CLIC6: variants seen among roughly 807,000 people sequenced by gnomAD.
The protein encoded by CLIC6 is CLIC family member 6.
A neutral mutation model predicts 49.2 loss-of-function variants in CLIC6; 39 were observed. The observed-to-expected ratio is 0.79, with a 90% CI of 0.61 to 1.04. CLIC6 has a LOEUF of 1.04. Among genes scored for constraint, CLIC6 ranks in the 50% least tolerant of loss-of-function variants. CLIC6 has a pLI of 0.00. For missense variants in CLIC6, 988 were observed against 993.1 expected (o/e 0.99, Z 0.07); for synonymous variants, 446 against 433.4 (o/e 1.03, Z -0.36).
chr21:34,708,398 G>A (rs909805437), intron 3 of CLIC6, among the ~76,000 whole-genome samples: 1 of 152,136 alleles, frequency 6.6e-6, no homozygotes, highest in South Asian at 2.1e-4. Flanking sequence ...CCTCGGGGGA[G>A]CTATTTCTAC....
At position 34,669,239 on chromosome 21, in the gene CLIC6, A is replaced by G; in HGVS notation, c.-150A>G. 1.7e-6 allele frequency: 1 copy of G among 593,238 alleles called. No homozygotes were observed. Among genetic ancestry groups the G allele is most frequent in the Non-Finnish European group, 2.5e-6 (1 of 405,314 alleles). 36.7% of individuals were successfully genotyped at this position (593,238 alleles called of 1,614,324 possible). On this transcript the variant is annotated 5_prime_UTR_variant, in exon 1 of 6. Coordinates refer to ENST00000349499, the MANE Select transcript of CLIC6 (RefSeq NM_053277.3). ...CCCTGCGGGTCCTGCGCAAGGCCCC[A>G]GTGCCCCGGCTAAACCTTTGCCGCA... is the stretch of plus-strand genomic sequence containing the variant.
intron 1 of CLIC6, among the ~76,000 whole-genome samples, chr21:34,690,046 G>C (rs1210219065): frequency 6.6e-6 from 1 of 152,114 alleles, no homozygotes; most frequent in Non-Finnish European, 1.5e-5. Context: ...TTCTGAGTCT[G>C]TTTCCCATAG....
intron 5 of CLIC6, 43 bp downstream of exon 5, chr21:34,709,581 G>A (rs1478265643): frequency 6.4e-7 from 1 of 1,559,954 alleles, no homozygotes; most frequent in Non-Finnish European, 8.8e-7. Flanking sequence ...ACACGAACGG[G>A]GCTTTGTTTT....
At chr21:34,699,585 A>T (rs532272824) in intron 1 of CLIC6, among the ~76,000 whole-genome samples, 3 of 151,928 alleles carry the variant, frequency 2.0e-5, no homozygotes, top group African/African-American at 7.2e-5. Flanking sequence ...TTTTAAAGTC[A>T]CCTTAGAAAT....
intron 1 of CLIC6, among the ~76,000 whole-genome samples, chr21:34,686,933 C>A (rs529974355): frequency 7.5e-4 from 114 of 152,326 alleles, no homozygotes; most frequent in African/African-American, 2.7e-3. Context: ...TGCTGAGTAA[C>A]CTTCGTCAGT....
At chr21:34,715,102 A>C (rs138153613) in intron 5 of CLIC6, among the ~76,000 whole-genome samples, 3 of 152,264 alleles carry the variant, frequency 2.0e-5, no homozygotes, top group Non-Finnish European at 4.4e-5. Flanking sequence ...TAAGCCCCAA[A>C]GATCTTCTCA....
chr21:34,713,976 A>G (rs1313926353), intron 5 of CLIC6, among the ~76,000 whole-genome samples: 1 of 152,248 alleles, frequency 6.6e-6, no homozygotes, highest in Admixed American at 6.5e-5. Context: ...TCATGAACCC[A>G]TTAAAAATCA....
At chr21:34,677,354 T>C (rs16992138) in intron 1 of CLIC6, among the ~76,000 whole-genome samples, 2,592 of 152,346 alleles carry the variant, frequency 0.017, 71 homozygotes, top group African/African-American at 0.058. Flanking sequence ...GAGCTTGTTA[T>C]AAAGAATACT....
intron 1 of CLIC6, among the ~76,000 whole-genome samples, chr21:34,699,312 G>A (rs1284022156): frequency 6.6e-6 from 1 of 151,966 alleles, no homozygotes; most frequent in African/African-American, 2.4e-5. Context: ...AGTGCAGTGG[G>A]GAAATCTCAG....
chr21:34,714,005 T>A (rs1400797033), intron 5 of CLIC6, among the ~76,000 whole-genome samples: 1 of 152,204 alleles, frequency 6.6e-6, no homozygotes, highest in Non-Finnish European at 1.5e-5. Flanking sequence ...TGGTTTAACA[T>A]CTACAGAGAA....
In CLIC6 at chr21:34,670,353, G is replaced by A. The variant is rs766935450; in HGVS notation, c.965G>A (p.Ser322Asn). Residue 322 changes from serine (S) to asparagine (N), a missense_variant, in exon 1 of 6, where the codon AGC becomes AAC. By Grantham distance (46) the Ser-to-Asn change is conservative. This residue lies in a region of CLIC6 where 647 missense variants were observed against 596.9 expected (regional missense o/e 1.08). Transcript: ENST00000349499. ...GCAGCCGGGGAGAGTGCGGGGCGCAGCCCCGGTGAGCTCGCCTGGGACGCA... is the reference window on the plus strand; with the variant it reads ...GCAGCCGGGGAGAGTGCGGGGCGCAACCCCGGTGAGCTCGCCTGGGACGCA... Reference protein sequence around the residue: ...EVAAGESAGRSPGELAWDAAE... With the variant: ...EVAAGESAGRNPGELAWDAAE... 2.1e-5 allele frequency: 30 copies of A among 1,451,948 alleles called. No individual in the cohort carries two copies. The highest frequency in any genetic ancestry group is 2.3e-4 in the Middle Eastern group (1 of 4,276). 89.9% of individuals were successfully genotyped at this position (1,451,948 alleles called of 1,614,324 possible).
intron 5 of CLIC6, among the ~76,000 whole-genome samples, chr21:34,715,802 A>C (rs2056082258): frequency 6.6e-6 from 1 of 152,200 alleles, no homozygotes; most frequent in Non-Finnish European, 1.5e-5. Flanking sequence ...TCCTCCGCAC[A>C]GGCGGGCCCC....
chr21:34,700,838 C>T (rs979690032), intron 1 of CLIC6, among the ~76,000 whole-genome samples: 1 of 139,752 alleles, frequency 7.2e-6, no homozygotes, highest in Non-Finnish European at 1.5e-5. Flanking sequence ...TTGCCACCTC[C>T]GCCACGGGTC....
In CLIC6 at chr21:34,669,670, G is replaced by T; in HGVS notation, c.282G>T (p.Glu94Asp). The T allele has an allele frequency of 7.4e-7, 1 of 1,348,872 alleles. No homozygotes were observed. 83.6% of individuals were successfully genotyped at this position (1,348,872 alleles called of 1,614,324 possible). Residue 94 changes from glutamate (E) to aspartate (D), a missense_variant, in exon 1 of 6, where the codon GAG becomes GAT. Glu to Asp is a conservative substitution (Grantham distance 45). Transcript: ENST00000349499. ...AGGAGGGAGCCCCGGAGGGTGCCGA[G>T]GTGCCCCAAGGAGGGGAGGAGACAA... is the stretch of plus-strand genomic sequence containing the variant. ...EAEEGAPEGA[E>D]VPQGGEETSG... is the part of the protein sequence containing the mutation.
intron 5 of CLIC6, among the ~76,000 whole-genome samples, chr21:34,712,682 AGG>A (rs2056064414): frequency 6.6e-6 from 1 of 152,096 alleles, no homozygotes; most frequent in African/African-American, 2.4e-5. Context: ...TCTGGAGGGG[AGG>A]TAAAGAGGGA....
Position 34,688,067 on chromosome 21 carries a change from CAA to C in CLIC6, c.1374+17313_1374+17314del, listed in dbSNP as rs538310691. Among the ~76,000 whole-genome samples the C allele has an allele frequency of 2.1e-3, 312 of 151,556 alleles. 1 individual carries two copies. Among genetic ancestry groups the C allele is most frequent in the African/African-American group, 7.3e-3 (300 of 41,358 alleles). On this transcript the variant is annotated intron_variant, in intron 1 of 5. Coordinates refer to ENST00000349499, the MANE Select transcript of CLIC6 (RefSeq NM_053277.3). ...GAAAGTGTGGACTTTTATTTATTTACAAAAAAAAATTTCTTTTCTAAAATAGG... is the reference window on the plus strand; with the variant it reads ...GAAAGTGTGGACTTTTATTTATTTACAAAAAAATTTCTTTTCTAAAATAGG...
chr21:34,696,149 G>A (rs1409686098), intron 1 of CLIC6, among the ~76,000 whole-genome samples: 1 of 152,030 alleles, frequency 6.6e-6, no homozygotes, highest in African/African-American at 2.4e-5. Context: ...TTCCTACAGA[G>A]GGGACAGAAT....
chr21:34,682,565 A>G (rs1251430683), intron 1 of CLIC6, among the ~76,000 whole-genome samples: 1 of 152,016 alleles, frequency 6.6e-6, no homozygotes, highest in Non-Finnish European at 1.5e-5. Context: ...TGTCTGTCAC[A>G]TGTGTTCCAT....
intron 1 of CLIC6, 126 bp from the exon 2 acceptor site, chr21:34,707,154 A>G (rs2056019862): frequency 1.3e-6 from 1 of 753,466 alleles, no homozygotes; most frequent in East Asian, 2.7e-5. Context: ...AAATGGCCTC[A>G]GGAGGATATT....
Sources: allele counts gnomAD v4.1 joint callset (sites outside exome capture counted in the v4.1 genomes callset), GRCh38; gene constraint gnomAD v4.1.1; regional missense constraint gnomAD v4.1.1; transcripts MANE v1.5; gene names NCBI Gene and HGNC (gene_info 2026-07-23, HGNC 2026-07-21).